The following SSC5D variants were observed in gnomAD, a reference collection of about 807,000 sequenced individuals.
SSC5D encodes the protein soluble scavenger receptor cysteine-rich domain-containing protein SSC5D.
In SSC5D, 106 loss-of-function variants were observed where a neutral mutation model predicts 104.6. That is an observed-to-expected ratio of 1.01 (90% CI 0.87 to 1.19). The LOEUF is 1.19. Ranked by LOEUF, SSC5D falls within the 50% of genes most tolerant of loss-of-function variation. The probability of loss-of-function intolerance (pLI) is 0.00; values close to 1 mark genes in which losing one functional copy is unlikely to be tolerated. For missense variants in SSC5D, 1,993 were observed against 2,153.8 expected (o/e 0.93, Z 1.48); for synonymous variants, 860 against 883.5 (o/e 0.97, Z 0.47).
chr19:55,497,339 G>T (rs1434510896), intron 8 of SSC5D, among the ~76,000 whole-genome samples: 1 of 151,912 alleles, frequency 6.6e-6, no homozygotes. Flanking sequence ...ATCTAAGAAA[G>T]AAGAAAAAAA....
At chr19:55,511,627 G>A (rs1045820383) in intron 12 of SSC5D, among the ~76,000 whole-genome samples, 2 of 152,156 alleles carry the variant, frequency 1.3e-5, no homozygotes, top group African/African-American at 2.4e-5. Context: ...AATTGCTTGT[G>A]GAAGCAGGCA....
At position 55,490,338 on chromosome 19, in the gene SSC5D, G is replaced by C. The variant is rs1261535420; in HGVS notation, c.516G>C (p.Lys172Asn). 6 of 1,506,398 alleles carry C rather than the reference G, an allele frequency of 4.0e-6. No individual in the cohort carries two copies. In the African/African-American group the frequency reaches 7.0e-5, roughly 17 times the overall value. The allele number at this position is 1,506,398 out of a possible 1,614,324, so 93.3% of individuals were successfully genotyped here. ...GGAACCCCCAGAACGCCTCCCGGAA[G>C]AAGAGCCCCCGGCCCAAGCAGGCCA... ...PAGNPQNASR[K>N]KSPRPKQAKS... The change falls in exon 5 of 14, where the codon AAG (lysine) becomes AAC (asparagine). Residue 172 changes from lysine to asparagine, a missense_variant. Physicochemically the swap from Lys to Asn is moderately conservative, Grantham distance 94 (BLOSUM62 0). Around this residue, in one of 6 missense-constraint regions of SSC5D, gnomAD observed 1,101 missense variants for 1,085.0 expected, o/e 1.01. Transcript: ENST00000389623.
chr19:55,490,562 C>T (rs1334416451), intron 5 of SSC5D, among the ~76,000 whole-genome samples, 154 bp downstream of exon 5: 1 of 152,124 alleles, frequency 6.6e-6, no homozygotes, highest in African/African-American at 2.4e-5. Flanking sequence ...TTTAGACGGC[C>T]AGGCCTGGTC....
Position 55,517,729 on chromosome 19 carries a change from C to T in SSC5D, c.3453C>T (p.Pro1151=). The change falls in exon 14 of 14, where the codon CCC becomes CCT. Residue 1151 remains proline (P), a synonymous_variant. Transcript: ENST00000389623. Reference sequence around the variant, plus strand: ...CAGACCCCTCCCCAAGCCCTCACCCCACTACTACCCCTGATCCCACCATGG... The same window carrying T: ...CAGACCCCTCCCCAAGCCCTCACCCTACTACTACCCCTGATCCCACCATGG... ...RSPDPSPSPH[P]TTTPDPTMAP... 6.4e-7 allele frequency: 1 copy of T among 1,550,442 alleles called. No homozygotes were observed. Among genetic ancestry groups the T allele is most frequent in the Non-Finnish European group, 8.7e-7 (1 of 1,146,502 alleles).
intron 13 of SSC5D, 60 bp downstream of exon 13, chr19:55,513,232 A>G (rs671152): frequency 1 from 1,413,665 of 1,419,480 alleles, 704,170 homozygotes; most frequent in Non-Finnish European, 1. Context: ...GTAAAGAGAC[A>G]GATTCCAGAC....
chr19:55,508,239 C>T (rs1371281677), intron 12 of SSC5D, among the ~76,000 whole-genome samples: 2 of 152,146 alleles, frequency 1.3e-5, no homozygotes, highest in Non-Finnish European at 1.5e-5. Flanking sequence ...CCGCCACTGC[C>T]AGCTGGGAAG....
intron 12 of SSC5D, chr19:55,504,010 G>C: frequency 9.1e-7 from 1 of 1,103,026 alleles, no homozygotes; most frequent in Non-Finnish European, 1.3e-6. Flanking sequence ...CCCAAGAAGC[G>C]GGCCTTGAGG....
intron 6 of SSC5D, chr19:55,492,483 G>A (rs1987177962): frequency 6.6e-6 from 1 of 152,154 alleles, no homozygotes; most frequent in Admixed American, 6.6e-5. Flanking sequence ...GGAAACAAAT[G>A]AACTAAGGCG....
chr19:55,505,929 G>T (rs1481896790), intron 12 of SSC5D, among the ~76,000 whole-genome samples: 1 of 151,630 alleles, frequency 6.6e-6, no homozygotes, highest in Non-Finnish European at 1.5e-5. Flanking sequence ...TAGAGATGGG[G>T]TTTCACCATG....
rs1297938864 is a variant in SSC5D at position 55,489,671 on chromosome 19, A to G, written c.361+9A>G. 1 of 1,529,600 alleles carries G rather than the reference A, an allele frequency of 6.5e-7. No individual in the cohort carries two copies. Among genetic ancestry groups the G allele is most frequent in the South Asian group, 1.2e-5 (1 of 83,212 alleles). 94.8% of individuals were successfully genotyped at this position (1,529,600 alleles called of 1,614,324 possible). On this transcript the variant is annotated intron_variant, in intron 3 of 13. Coordinates refer to ENST00000389623, the MANE Select transcript of SSC5D (RefSeq NM_001144950.2). Reference sequence around the variant, plus strand: ...GGGCGTCGTCTGCGCAGGTGAGGACACCCTGGCTGCTCCTTCAGGGGGAGC... The same window carrying G: ...GGGCGTCGTCTGCGCAGGTGAGGACGCCCTGGCTGCTCCTTCAGGGGGAGC...
rs1328815856 is a variant in SSC5D at position 55,517,609 on chromosome 19, T to A, written c.3333T>A (p.Leu1111=). Residue 1111 remains leucine (L), a synonymous_variant, in exon 14 of 14, where the codon CTT becomes CTA. Coordinates refer to ENST00000389623, the MANE Select transcript of SSC5D (RefSeq NM_001144950.2). ...CTACACCGTCGGAGGTGACCAGCCTTTCCCCTACCTCAGAGCAGGTCCCAG... is the reference window on the plus strand; with the variant it reads ...CTACACCGTCGGAGGTGACCAGCCTATCCCCTACCTCAGAGCAGGTCCCAG... ...DPSTPSEVTS[L]SPTSEQVPES... The A allele has an allele frequency of 4.5e-6, 7 of 1,551,490 alleles. No individual in the cohort carries two copies. The highest frequency in any genetic ancestry group is 6.1e-6 in the Non-Finnish European group (7 of 1,146,986).
chr19:55,501,111 A>G lies in SSC5D; in HGVS notation c.2695A>G (p.Thr899Ala). Residue 899 changes from threonine (T) to alanine (A), a missense_variant, in exon 12 of 14, where the codon ACA (threonine) becomes GCA (alanine). Thr to Ala is a moderately conservative substitution (Grantham distance 58). Coordinates refer to ENST00000389623, the MANE Select transcript of SSC5D (RefSeq NM_001144950.2). ...AGAGGACCTGGCCAAGGGGACTACC[A>G]CAGCGGGGGTACCTGGACACACTCT... ...SREDLAKGTT[T>A]AGVPGHTLPW... 1.3e-6 allele frequency: 2 copies of G among 1,551,664 alleles called. No homozygotes were observed. The highest frequency in any genetic ancestry group is 1.7e-6 in the Non-Finnish European group (2 of 1,146,938).
At chr19:55,505,556 T>A (rs1987620963) in intron 12 of SSC5D, among the ~76,000 whole-genome samples, 1 of 151,762 alleles carries the variant, frequency 6.6e-6, no homozygotes, top group Non-Finnish European at 1.5e-5. Context: ...GCAGGGTGGT[T>A]CCCTTTGGAA....
In SSC5D at chr19:55,491,028, C is replaced by T; in HGVS notation, c.843C>T (p.Pro281=). The T allele has an allele frequency of 6.5e-7, 1 of 1,550,256 alleles. No homozygotes were observed. Among genetic ancestry groups the T allele is most frequent in the Admixed American group, 2.0e-5 (1 of 50,950 alleles). The change falls in exon 6 of 14, where the codon CCC becomes CCT. Residue 281 remains proline (P), a synonymous_variant. Transcript: ENST00000389623. ...EQALRDCPRS[P]WGRSNCDHSE... ...CCCTCCGAGACTGCCCCCGAAGCCC[C>T]TGGGGCCGGAGCAACTGTGACCACA...
rs775789928 is a variant in SSC5D, at chr19:55,519,044, AAC to A, written c.*48_*49del. On this transcript the variant is annotated 3_prime_UTR_variant, in exon 14 of 14. Coordinates refer to ENST00000389623, the MANE Select transcript of SSC5D (RefSeq NM_001144950.2). ...GCTTAAGACACCCCCAACCAAAAAA[AAC>A]AAAAACAAAAAAAACCCCCAAAGTA... The A allele has an allele frequency of 4.9e-5, 73 of 1,503,924 alleles. No homozygotes were observed. The African/African-American group carries it at 1.0e-3, about 21-fold the overall frequency. 93.2% of individuals were successfully genotyped at this position (1,503,924 alleles called of 1,614,324 possible). A position where few individuals can be genotyped will look rare whatever the true frequency, so the allele number is the denominator to read the frequency against.
In SSC5D at chr19:55,518,880, T is replaced by C. The variant is rs1408581165; in HGVS notation, c.4604T>C (p.Leu1535Pro). ...CAGCTGGTAGAAGCTGCCCGGGGTC[T>C]GGGGCAGCTGGGTGAGGCTGTGAAG... ...LTQLVEAARG[L>P]GQLGEAVKRL... Residue 1535 changes from leucine (L) to proline (P), a missense_variant, in exon 14 of 14, where the codon CTG (leucine) becomes CCG (proline). Leu to Pro is a moderately conservative substitution (Grantham distance 98). Coordinates refer to ENST00000389623, the MANE Select transcript of SSC5D (RefSeq NM_001144950.2). 1 of 1,550,126 alleles carries C rather than the reference T, an allele frequency of 6.5e-7. No homozygotes were observed. Among genetic ancestry groups the C allele is most frequent in the African/African-American group, 1.4e-5 (1 of 73,014 alleles).
At chr19:55,512,462 G>A (rs1987780033) in intron 12 of SSC5D, among the ~76,000 whole-genome samples, 1 of 142,462 alleles carries the variant, frequency 7.0e-6, no homozygotes, top group African/African-American at 2.6e-5. Context: ...CAGGAGCCTT[G>A]AGGAATTAAA....
chr19:55,493,994 G>GGGGGGGGCT, intron 7 of SSC5D, 82 bp downstream of exon 7: 3 of 143,314 alleles, frequency 2.1e-5, no homozygotes, highest in South Asian at 1.6e-4. Context: ...GGGCGGGGGG[G>GGGGGGGGCT]TCCCTACGCG....
rs61733818 is a variant in SSC5D at position 55,494,722 on chromosome 19, G to T, written c.1326G>T (p.Thr442=). 6.7e-4 allele frequency: 1,031 copies of T among 1,550,258 alleles called. 10 individuals carry two copies. In the African/African-American group the frequency reaches 0.011, roughly 17 times the overall value. Reference sequence around the variant, plus strand: ...CCATGACGAGCCAGGCTCCAGGGACGGCAGGCGTTTCACCTCCTCCAGCCT... The same window carrying T: ...CCATGACGAGCCAGGCTCCAGGGACTGCAGGCGTTTCACCTCCTCCAGCCT... ...PSTMTSQAPG[T]AGVSPPPASP... is the part of the protein sequence containing the mutation. The change falls in exon 8 of 14, where the codon ACG becomes ACT. Residue 442 remains threonine, a synonymous_variant. Transcript: ENST00000389623.
Sources: allele counts gnomAD v4.1 joint callset (sites outside exome capture counted in the v4.1 genomes callset), GRCh38; gene constraint gnomAD v4.1.1; regional missense constraint gnomAD v4.1.1; transcripts MANE v1.5; gene names NCBI Gene and HGNC (gene_info 2026-07-23, HGNC 2026-07-21).